Variants in FHIT observed in about 807,000 individuals in gnomAD.
FHIT encodes fragile histidine triad diadenosine triphosphatase, also known as bis(5'-adenosyl)-triphosphatase.
Under a neutral mutation model 17.9 loss-of-function variants are expected in FHIT, and 19 were observed. That is an observed-to-expected ratio of 1.06 (90% confidence interval 0.74 to 1.56). The LOEUF is 1.56. Ranked by LOEUF, FHIT falls within the 40% of genes most tolerant of loss-of-function variation. The probability of loss-of-function intolerance (pLI) is 0.00; values close to 1 mark genes in which losing one functional copy is unlikely to be tolerated. For synonymous variants in FHIT, 81 were observed against 69.7 expected (o/e 1.16, Z -0.81); for missense variants, 248 against 189.2 (o/e 1.31, Z -1.82).
chr3:60,706,232 G>A (rs1160961726), intron 4 of FHIT, among the ~76,000 whole-genome samples: 1 of 150,120 alleles, frequency 6.7e-6, no homozygotes, highest in Non-Finnish European at 1.5e-5. Flanking sequence ...ATCACACATC[G>A]GGGCCTGTTG....
intron 3 of FHIT, chr3:60,856,405 C>A (rs190854982): frequency 2.6e-5 from 4 of 152,134 alleles, no homozygotes; most frequent in Admixed American, 2.0e-4. Context: ...CAGACTGTGT[C>A]CTCTTCCTCT....
intron 8 of FHIT, among the ~76,000 whole-genome samples, chr3:59,911,163 G>A (rs955281948): frequency 1.3e-5 from 2 of 152,092 alleles, no homozygotes; most frequent in African/African-American, 2.4e-5. Flanking sequence ...CTCATTTGAT[G>A]GCTACATAGA....
chr3:60,416,954 T>G (rs1416625404), intron 5 of FHIT, among the ~76,000 whole-genome samples: 4 of 151,964 alleles, frequency 2.6e-5, no homozygotes, highest in African/African-American at 9.7e-5. Flanking sequence ...CCGGGCGTGG[T>G]GGCAGGCGCC....
At chr3:60,859,909 T>C (rs1204326654) in intron 3 of FHIT, among the ~76,000 whole-genome samples, 1 of 150,506 alleles carries the variant, frequency 6.6e-6, no homozygotes, top group Non-Finnish European at 1.5e-5. Flanking sequence ...CCAGGTGTGG[T>C]GGCACGTGCC....
At chr3:60,474,169 G>A (rs2033230438) in intron 5 of FHIT, among the ~76,000 whole-genome samples, 1 of 152,136 alleles carries the variant, frequency 6.6e-6, no homozygotes. Context: ...CAGAGGGCAG[G>A]GAGGGTCAAC....
At chr3:60,911,421 C>A (rs73097852) in intron 3 of FHIT, among the ~76,000 whole-genome samples, 3 of 151,558 alleles carry the variant, frequency 2.0e-5, no homozygotes, top group Non-Finnish European at 4.4e-5. Flanking sequence ...ACTACCACCA[C>A]CATCATTTTC....
intron 4 of FHIT, among the ~76,000 whole-genome samples, chr3:60,548,439 G>A (rs188020379): frequency 7.8e-4 from 119 of 152,212 alleles, no homozygotes; most frequent in African/African-American, 2.6e-3. Context: ...CCCACTGGCC[G>A]AAGTTTAAGA....
intron 8 of FHIT, among the ~76,000 whole-genome samples, chr3:59,810,007 A>G (rs886407337): frequency 1.3e-5 from 2 of 152,102 alleles, no homozygotes; most frequent in Non-Finnish European, 2.9e-5. Flanking sequence ...ATTGGAACCT[A>G]ACCAAAGAAG....
At chr3:60,449,434 A>G (rs1010640213) in intron 5 of FHIT, among the ~76,000 whole-genome samples, 1 of 151,846 alleles carries the variant, frequency 6.6e-6, no homozygotes, top group Admixed American at 6.6e-5. Context: ...GCATACACAC[A>G]CACACACACA....
At chr3:60,027,688 A>C (rs564113916) in intron 5 of FHIT, among the ~76,000 whole-genome samples, 26 of 151,654 alleles carry the variant, frequency 1.7e-4, no homozygotes, top group African/African-American at 6.1e-4. Context: ...ACGTACTCTT[A>C]ACTCAGAATC....
chr3:59,768,783 A>G (rs1177600487), intron 8 of FHIT, among the ~76,000 whole-genome samples: 1 of 152,254 alleles, frequency 6.6e-6, no homozygotes, highest in Non-Finnish European at 1.5e-5. Context: ...TCCTCAAATA[A>G]GAGTTTAATT....
intron 8 of FHIT, among the ~76,000 whole-genome samples, chr3:59,807,358 C>A (rs1700242989): frequency 6.6e-6 from 1 of 152,072 alleles, no homozygotes; most frequent in Non-Finnish European, 1.5e-5. Context: ...GTATTAGTAG[C>A]ATAGCAGGGA....
chr3:60,782,231 G>GTATATATATATATATA (rs1349004246), intron 4 of FHIT, among the ~76,000 whole-genome samples: 2 of 89,964 alleles, frequency 2.2e-5, no homozygotes, highest in Non-Finnish European at 4.4e-5. Flanking sequence ...GTGTGTGTGT[G>GTATATATATATATATA]TGTGTGTATA....
chr3:60,150,397 G>A (rs138822675), intron 5 of FHIT, among the ~76,000 whole-genome samples: 25 of 152,202 alleles, frequency 1.6e-4, no homozygotes, highest in African/African-American at 5.5e-4. Context: ...TACCCTAGTG[G>A]GGATATGGCA....
At chr3:60,918,953 CAT>C (rs1201226225) in intron 3 of FHIT, among the ~76,000 whole-genome samples, 2 of 152,010 alleles carry the variant, frequency 1.3e-5, no homozygotes, top group African/African-American at 4.8e-5. Context: ...TATGGAATAA[CAT>C]ATAATTTTAT....
chr3:60,548,037 C>T (rs894222336), intron 4 of FHIT, among the ~76,000 whole-genome samples: 1 of 151,960 alleles, frequency 6.6e-6, no homozygotes, highest in African/African-American at 2.4e-5. Context: ...ACATTTGAGT[C>T]AGTGGGCTGG....
At chr3:60,972,299 A>G (rs1559877877) in intron 3 of FHIT, among the ~76,000 whole-genome samples, 1 of 152,086 alleles carries the variant, frequency 6.6e-6, no homozygotes, top group Non-Finnish European at 1.5e-5. Context: ...CTTAGTTTTA[A>G]TTTTCTAAAA....
intron 1 of FHIT, among the ~76,000 whole-genome samples, chr3:61,209,462 C>G (rs2039377971): frequency 6.6e-6 from 1 of 152,320 alleles, no homozygotes; most frequent in South Asian, 2.1e-4. Flanking sequence ...ACCAATCAGA[C>G]ATAGATTTGG....
chr3:60,127,253 A>AG (rs1273929049), intron 5 of FHIT, among the ~76,000 whole-genome samples: 1 of 152,176 alleles, frequency 6.6e-6, no homozygotes, highest in East Asian at 1.9e-4. Context: ...CAACTTTATT[A>AG]ATGAGTACCC....
Sources: allele counts gnomAD v4.1 joint callset (sites outside exome capture counted in the v4.1 genomes callset), GRCh38; gene constraint gnomAD v4.1.1; transcripts MANE v1.5; gene names NCBI Gene and HGNC (gene_info 2026-07-23, HGNC 2026-07-21).